The following AEBP2 variants were observed in gnomAD, a reference collection of about 807,000 sequenced individuals.
AEBP2 encodes AE binding protein 2.
AEBP2 carries 10 observed loss-of-function variants against 50.8 expected under a neutral mutation model. The ratio of observed to expected loss-of-function variants is 0.20; its 90% CI spans 0.12 to 0.33. The LOEUF is 0.33. AEBP2 is among the 10% of genes least tolerant of loss of function. The probability of loss-of-function intolerance (pLI) is 1.00; values close to 1 mark genes in which losing one functional copy is unlikely to be tolerated. For missense variants in AEBP2, 570 were observed against 688.0 expected, an observed-to-expected ratio of 0.83 and a Z score of 1.92; for synonymous variants, 296 against 261.3, an observed-to-expected ratio of 1.13 and a Z score of -1.28.
intron 1 of AEBP2, among the ~76,000 whole-genome samples, chr12:19,447,968 A>T (rs1359480321): frequency 6.6e-6 from 1 of 152,170 alleles, no homozygotes; most frequent in Non-Finnish European, 1.5e-5. Flanking sequence ...CTTTAGACAA[A>T]CTCGGAATAT....
At chr12:19,487,587 A>G (rs917045388) in intron 3 of AEBP2, among the ~76,000 whole-genome samples, 3 of 152,100 alleles carry the variant, frequency 2.0e-5, no homozygotes, top group African/African-American at 7.2e-5. Context: ...GTGTGGTGGC[A>G]TGCACCTGTA....
chr12:19,500,970 A>G (rs1186443050), intron 5 of AEBP2, among the ~76,000 whole-genome samples: 2 of 152,198 alleles, frequency 1.3e-5, no homozygotes, highest in Non-Finnish European at 2.9e-5. Flanking sequence ...TTAAGTTAAT[A>G]AATGTACATT....
intron 1 of AEBP2, chr12:19,445,851 T>C (rs1264615837): frequency 6.6e-6 from 1 of 152,192 alleles, no homozygotes; most frequent in Non-Finnish European, 1.5e-5. Flanking sequence ...TTTTAAATTG[T>C]TTTTAATATG....
At chr12:19,434,285 T>G (rs1331138438) in intron 1 of AEBP2, among the ~76,000 whole-genome samples, 4 of 152,100 alleles carry the variant, frequency 2.6e-5, no homozygotes, top group Non-Finnish European at 5.9e-5. Context: ...GCGATTCTCC[T>G]GCCTCAGCCT....
chr12:19,413,875 T>A (rs2095740771), intron 1 of AEBP2, among the ~76,000 whole-genome samples: 1 of 140,404 alleles, frequency 7.1e-6, no homozygotes. Flanking sequence ...TTTATCAAGG[T>A]TTTTTTTTTG....
In AEBP2 at chr12:19,518,631, A is replaced by T. The variant is rs1318161068; in HGVS notation, c.*514A>T. 7.0e-7 allele frequency: 1 copy of T among 1,421,748 alleles called. No homozygotes were observed. The highest frequency in any genetic ancestry group is 2.2e-5 in the Admixed American group (1 of 44,780). 88.1% of individuals were successfully genotyped at this position (1,421,748 alleles called of 1,614,324 possible). A position where few individuals can be genotyped will look rare whatever the true frequency, so the allele number is the denominator to read the frequency against. ...TCAAGAGATAATTTACCTTTCAATT[A>T]TGATAAATAGATGTGATTGGTTGCC... On this transcript the variant is annotated 3_prime_UTR_variant, in exon 8 of 8. Coordinates refer to ENST00000266508, the MANE Select transcript of AEBP2 (RefSeq NM_153207.5).
Position 19,440,284 on chromosome 12 carries a change from A to C in AEBP2, c.585A>C (p.Gly195=). 1.4e-6 allele frequency: 2 copies of C among 1,464,922 alleles called. No homozygotes were observed. The highest frequency in any genetic ancestry group is 1.8e-6 in the Non-Finnish European group (2 of 1,117,186). 90.7% of individuals were successfully genotyped at this position (1,464,922 alleles called of 1,614,324 possible). A position where few individuals can be genotyped will look rare whatever the true frequency, so the allele number is the denominator to read the frequency against. Residue 195 remains glycine, a synonymous_variant, in exon 1 of 8, where the codon GGA becomes GGC. Transcript: ENST00000266508. The stretch of plus-strand genomic sequence containing the variant: ...AGGGCTACGGGACTGGGGGAGGCGG[A>C]AGCAGCGCGACCTCCGGGGGCCGGC... ...GDEGYGTGGG[G]SSATSGGRRG...
chr12:19,514,130 G>C (rs1232155164), intron 6 of AEBP2, among the ~76,000 whole-genome samples: 2 of 151,788 alleles, frequency 1.3e-5, no homozygotes, highest in African/African-American at 4.8e-5. Flanking sequence ...CTCCGGAGTT[G>C]ATGGGAATAC....
intron 1 of AEBP2, among the ~76,000 whole-genome samples, chr12:19,412,895 G>A (rs570192332): frequency 6.6e-6 from 1 of 152,318 alleles, no homozygotes; most frequent in South Asian, 2.1e-4. Context: ...GGTCCCTGGC[G>A]CTGCCCTGGC....
chr12:19,463,316 C>G (rs1411185700), intron 2 of AEBP2, among the ~76,000 whole-genome samples: 1 of 152,152 alleles, frequency 6.6e-6, no homozygotes, highest in African/African-American at 2.4e-5. Context: ...GAATAAAGAG[C>G]TAAGCAAATT....
chr12:19,407,717 G>A (rs796688993), intron 1 of AEBP2, among the ~76,000 whole-genome samples: 4 of 152,258 alleles, frequency 2.6e-5, no homozygotes, highest in African/African-American at 9.6e-5. Flanking sequence ...GGGATTACAG[G>A]TGTGAGCCAC....
chr12:19,474,766 C>G (rs1948622640), intron 3 of AEBP2, among the ~76,000 whole-genome samples: 1 of 148,212 alleles, frequency 6.7e-6, no homozygotes, highest in Non-Finnish European at 1.5e-5. Flanking sequence ...TATATGGGTA[C>G]CTTGCTTTTT....
At chr12:19,459,917 C>G (rs1038489119) in intron 1 of AEBP2, among the ~76,000 whole-genome samples, 1 of 152,032 alleles carries the variant, frequency 6.6e-6, no homozygotes, top group African/African-American at 2.4e-5. Flanking sequence ...AAGACTCTGC[C>G]GCTACAAAAA....
At chr12:19,507,537 A>G (rs1949169159) in intron 5 of AEBP2, among the ~76,000 whole-genome samples, 1 of 152,354 alleles carries the variant, frequency 6.6e-6, no homozygotes, top group East Asian at 1.9e-4. Context: ...GAACATTGAC[A>G]CTTACATATA....
chr12:19,408,538 G>GAAA (rs74215633), intron 1 of AEBP2, among the ~76,000 whole-genome samples: 4 of 113,878 alleles, frequency 3.5e-5, no homozygotes, highest in Non-Finnish European at 5.7e-5. Flanking sequence ...CACAGAGCAA[G>GAAA]AAAAAAAAAA....
intron 4 of AEBP2, 111 bp from the exon 5 acceptor site, chr12:19,499,986 C>A: frequency 9.5e-7 from 1 of 1,049,670 alleles, no homozygotes; most frequent in Non-Finnish European, 1.4e-6. Context: ...AAATAATAAT[C>A]TTGAATTTAA....
At chr12:19,509,859 C>T (rs1487863550) in intron 5 of AEBP2, among the ~76,000 whole-genome samples, 6 of 112,710 alleles carry the variant, frequency 5.3e-5, no homozygotes, top group Non-Finnish European at 1.0e-4. Context: ...GATGGAGTCT[C>T]ACTCACTTTG....
At chr12:19,473,386 T>G (rs1203471688) in intron 3 of AEBP2, 31 bp downstream of exon 3, 1 of 490,372 alleles carries the variant, frequency 2.0e-6, no homozygotes, top group Non-Finnish European at 2.8e-6. Flanking sequence ...AATTTATTTA[T>G]TTATTTATTT....
intron 4 of AEBP2, among the ~76,000 whole-genome samples, chr12:19,499,406 A>G (rs1290679682): frequency 6.6e-6 from 1 of 152,186 alleles, no homozygotes; most frequent in Non-Finnish European, 1.5e-5. Context: ...TGAAGCCAGG[A>G]GTTCAAGACC....
Sources: gnomAD v4.1 joint callset for allele counts (sites outside exome capture counted in the v4.1 genomes callset) on GRCh38, gnomAD v4.1.1 for gene constraint, MANE v1.5 for transcripts, NCBI Gene and HGNC (gene_info 2026-07-23, HGNC 2026-07-21) for gene names.